The following FLT3 variants were observed in gnomAD, a reference collection of about 807,000 sequenced individuals.
FLT3 encodes fms related receptor tyrosine kinase 3, also known as receptor-type tyrosine-protein kinase FLT3.
A neutral mutation model predicts 126.6 loss-of-function variants in FLT3; 46 were observed. The observed-to-expected ratio is 0.36, with a 90% CI of 0.29 to 0.46. FLT3 has a LOEUF of 0.46. FLT3 is among the 20% of genes least tolerant of loss of function. The probability of loss-of-function intolerance (pLI) is 1.00; values close to 1 mark genes in which losing one functional copy is unlikely to be tolerated. For synonymous variants in FLT3, 404 were observed against 434.4 expected, an observed-to-expected ratio of 0.93 and a Z score of 0.87; for missense variants, 1,069 against 1,190.3, an observed-to-expected ratio of 0.90 and a Z score of 1.50.
intron 20 of FLT3, among the ~76,000 whole-genome samples, chr13:28,018,125 TAACTC>T (rs1333604677): frequency 6.6e-6 from 1 of 152,266 alleles, no homozygotes; most frequent in East Asian, 1.9e-4. Context: ...ATTGAAAACA[TAACTC>T]AATCATCACT....
At chr13:28,025,836 G>T (rs1027629868) in intron 17 of FLT3, among the ~76,000 whole-genome samples, 1 of 152,162 alleles carries the variant, frequency 6.6e-6, no homozygotes, top group Non-Finnish European at 1.5e-5. Flanking sequence ...GCACACGGAC[G>T]TGCATGGGGA....
intron 15 of FLT3, among the ~76,000 whole-genome samples, chr13:28,032,663 C>G (rs1873451403): frequency 6.6e-6 from 1 of 152,064 alleles, no homozygotes; most frequent in Non-Finnish European, 1.5e-5. Flanking sequence ...CCACAAAGGA[C>G]TGAGTTTCAA....
intron 1 of FLT3, among the ~76,000 whole-genome samples, chr13:28,086,193 T>C (rs1162131823): frequency 6.6e-6 from 1 of 152,218 alleles, no homozygotes; most frequent in Admixed American, 6.5e-5. Flanking sequence ...TGGGAATAAC[T>C]GAGCTTTTAA....
chr13:28,024,043 G>C (rs1040281297), intron 18 of FLT3, among the ~76,000 whole-genome samples: 6 of 152,010 alleles, frequency 3.9e-5, no homozygotes, highest in African/African-American at 1.4e-4. Context: ...TTACAGGCAT[G>C]AGCCACTGTG....
rs1230732513 is a variant in FLT3 at position 28,057,398 on chromosome 13, T to A, written c.433A>T (p.Ile145Phe). ...ETQAGEYLLFIQSEATNYTIL... is the reference protein window; with the variant it reads ...ETQAGEYLLFFQSEATNYTIL... ...GTGTAATTGGTAGCTTCACTCTGAATAAAAAGTAGGTATTCTCCAGCTTGG... is the reference window on the plus strand; with the variant it reads ...GTGTAATTGGTAGCTTCACTCTGAAAAAAAAGTAGGTATTCTCCAGCTTGG... Residue 145 changes from isoleucine to phenylalanine, a missense_variant, in exon 4 of 24, where the codon ATT (isoleucine) becomes TTT (phenylalanine). Transcript: ENST00000241453. The A allele has an allele frequency of 6.3e-7, 1 of 1,588,886 alleles. No individual in the cohort carries two copies. Among genetic ancestry groups the A allele is most frequent in the Non-Finnish European group, 8.6e-7 (1 of 1,157,040 alleles).
At chr13:28,023,022 G>A (rs1333372393) in intron 19 of FLT3, among the ~76,000 whole-genome samples, 2 of 152,354 alleles carry the variant, frequency 1.3e-5, no homozygotes, top group East Asian at 3.9e-4. Flanking sequence ...AACCTGAACA[G>A]CCGTTCTGAA....
intron 1 of FLT3, among the ~76,000 whole-genome samples, chr13:28,079,782 AC>A (rs1485176686): frequency 1.3e-5 from 2 of 151,976 alleles, no homozygotes; most frequent in African/African-American, 4.8e-5. Flanking sequence ...CAATTACCTC[AC>A]CCTAGGTCCC....
intron 1 of FLT3, among the ~76,000 whole-genome samples, chr13:28,080,762 T>C (rs1306216858): frequency 6.6e-6 from 1 of 152,212 alleles, no homozygotes; most frequent in South Asian, 2.1e-4. Flanking sequence ...CTAGAAGTCA[T>C]ATTTACATTT....
chr13:28,018,548 G>C lies in FLT3; in HGVS notation c.2460C>G (p.Thr820=). Residue 820 remains threonine, a synonymous_variant, in exon 20 of 24, where the codon ACC becomes ACG. Coordinates refer to ENST00000241453, the MANE Select transcript of FLT3 (RefSeq NM_004119.3). ...CACATATCTTCACCACTTTCCCGTG[G>C]GTGACAAGCACGTTCCTGGCGGCCA... ...RDLAARNVLV[T]HGKVVKICDF... 3 of 1,614,068 alleles carry C rather than the reference G, an allele frequency of 1.9e-6. No homozygotes were observed.
intron 1 of FLT3, among the ~76,000 whole-genome samples, chr13:28,075,268 A>T (rs187620593): frequency 1.3e-5 from 2 of 152,250 alleles, no homozygotes; most frequent in East Asian, 3.9e-4. Flanking sequence ...TATATTTCAT[A>T]TATTTCTTGG....
At chr13:28,014,425 C>T in intron 23 of FLT3, 27 bp downstream of exon 23, 6 of 1,486,832 alleles carry the variant, frequency 4.0e-6, no homozygotes, top group Non-Finnish European at 5.6e-6. Context: ...CTTTGTAAAG[C>T]TTTATAAAGT....
intron 9 of FLT3, among the ~76,000 whole-genome samples, chr13:28,044,930 C>G (rs1252038676): frequency 6.6e-6 from 1 of 152,056 alleles, no homozygotes; most frequent in East Asian, 1.9e-4. Flanking sequence ...AGGCATTGTA[C>G]AAAGATAGAG....
intron 2 of FLT3, chr13:28,067,541 A>C (rs1217314959): frequency 6.5e-6 from 1 of 153,376 alleles, no homozygotes; most frequent in Non-Finnish European, 1.5e-5. Flanking sequence ...GGCAGAGCTG[A>C]GTCCCACAGA....
intron 3 of FLT3, among the ~76,000 whole-genome samples, chr13:28,059,213 C>T (rs777873506): frequency 2.0e-5 from 3 of 152,176 alleles, no homozygotes; most frequent in East Asian, 1.9e-4. Flanking sequence ...ATCACAGAGA[C>T]GTTCTCCAAG....
chr13:28,032,639 GGAA>G (rs1873450098), intron 15 of FLT3, among the ~76,000 whole-genome samples: 1 of 152,046 alleles, frequency 6.6e-6, no homozygotes, highest in African/African-American at 2.4e-5. Context: ...AAAGCTGGAT[GGAA>G]GAAGATGAGC....
chr13:28,019,689 C>A (rs796132201), intron 19 of FLT3, among the ~76,000 whole-genome samples: 1 of 152,094 alleles, frequency 6.6e-6, no homozygotes, highest in Non-Finnish European at 1.5e-5. Flanking sequence ...CTGCTCTGGC[C>A]GAGGCCTGCA....
intron 2 of FLT3, among the ~76,000 whole-genome samples, chr13:28,064,858 T>C (rs1171842160): frequency 2.0e-5 from 3 of 152,166 alleles, no homozygotes; most frequent in Non-Finnish European, 4.4e-5. Context: ...ATCTCACTTC[T>C]GGGAATAAGC....
chr13:28,028,096 AG>A, intron 16 of FLT3, 81 bp downstream of exon 16: 1 of 744,860 alleles, frequency 1.3e-6, no homozygotes, highest in South Asian at 1.5e-5. Flanking sequence ...AAAAAGAGAG[AG>A]AGAGAGAGAG....
chr13:28,078,558 C>T (rs931328906), intron 1 of FLT3, among the ~76,000 whole-genome samples: 11 of 152,108 alleles, frequency 7.2e-5, no homozygotes, highest in African/African-American at 2.4e-4. Context: ...TTCTCCTGGG[C>T]CTCTGGGCCT....
Sources: allele counts gnomAD v4.1 joint callset (sites outside exome capture counted in the v4.1 genomes callset), GRCh38; gene constraint gnomAD v4.1.1; transcripts MANE v1.5; gene names NCBI Gene and HGNC (gene_info 2026-07-23, HGNC 2026-07-21).